Variants in SLC39A13 observed in about 807,000 individuals in gnomAD.
SLC39A13 encodes solute carrier family 39 member 13, also known as zinc transporter ZIP13.
SLC39A13 carries 18 observed loss-of-function variants against 38.7 expected under a neutral mutation model. That is an observed-to-expected ratio of 0.47 (90% confidence interval 0.32 to 0.69). SLC39A13 has a LOEUF of 0.69. SLC39A13 is among the 30% of genes least tolerant of loss of function. The pLI is 0.03. For missense variants in SLC39A13, 395 were observed against 490.7 expected, an observed-to-expected ratio of 0.80 and a Z score of 1.84; for synonymous variants, 212 against 219.1, an observed-to-expected ratio of 0.97 and a Z score of 0.29.
At position 47,415,142 on chromosome 11, in the gene SLC39A13, G is replaced by T; in HGVS notation, c.1023G>T (p.Leu341Phe). 1.9e-6 allele frequency: 3 copies of T among 1,612,120 alleles called. No individual in the cohort carries two copies. The South Asian group carries it at 3.3e-5, about 18-fold the overall frequency. Residue 341 changes from leucine to phenylalanine, a missense_variant, in exon 9 of 10, where the codon TTG becomes TTT. Leu to Phe is a conservative substitution (Grantham distance 22). Transcript: ENST00000362021. The part of the protein sequence containing the change: ...IALVNVLPDL[L>F]EEEDPWRSLQ... ...TGGTGAACGTGCTCCCTGACCTCTTGGAAGAAGAGGACCCGTGGTGAGTGA... is the reference window on the plus strand; with the variant it reads ...TGGTGAACGTGCTCCCTGACCTCTTTGAAGAAGAGGACCCGTGGTGAGTGA...
chr11:47,410,406 C>A lies in SLC39A13; in HGVS notation c.301+11C>A. 6.2e-7 allele frequency: 1 copy of A among 1,613,720 alleles called. No homozygotes were observed. The highest frequency in any genetic ancestry group is 8.5e-7 in the Non-Finnish European group (1 of 1,179,972). ...TGCTGCGCTCAGAAGGTAGGTGACT[C>A]TCCGGTGGCGCCCAGGGCTGGCCAG... On this transcript the variant is annotated intron_variant, in intron 2 of 9. Coordinates refer to ENST00000362021, the MANE Select transcript of SLC39A13 (RefSeq NM_001128225.3).
In SLC39A13 at chr11:47,409,435, G is replaced by A. The variant is rs201929429; in HGVS notation, c.-8-652G>A. 5.3e-5 allele frequency among the ~76,000 whole-genome samples: 8 copies of A among 152,350 alleles called. 1 individual carries two copies. Among genetic ancestry groups the A allele is most frequent in the Admixed American group, 4.6e-4 (7 of 15,302 alleles). ...CAGATGAGGGCACTGAGGCTCAGAG[G>A]GGGGGCTTCAGAGATTTGCCCAGAG... On this transcript the variant is annotated intron_variant, in intron 1 of 9. Coordinates refer to ENST00000362021, the MANE Select transcript of SLC39A13 (RefSeq NM_001128225.3).
At chr11:47,414,701 T>G (rs1025477244) in intron 7 of SLC39A13, 76 bp from the exon 8 acceptor site, 9 of 1,588,910 alleles carry the variant, frequency 5.7e-6, no homozygotes, top group African/African-American at 1.3e-5. Flanking sequence ...GGGGGCTCAG[T>G]GTGTATATCG....
At position 47,415,459 on chromosome 11, in the gene SLC39A13, T is replaced by A; in HGVS notation, c.*96T>A. The A allele has an allele frequency of 7.1e-7, 1 of 1,412,858 alleles. No individual in the cohort carries two copies. Among genetic ancestry groups the A allele is most frequent in the Non-Finnish European group, 9.9e-7 (1 of 1,006,990 alleles). 87.5% of individuals were successfully genotyped at this position (1,412,858 alleles called of 1,614,324 possible). On this transcript the variant is annotated 3_prime_UTR_variant, in exon 10 of 10. Transcript: ENST00000362021. ...GTGAGAGGCAGAGAGGGCGAGTGGC[T>A]GCGAGAGAGAATGAGCCTCCCGCCA...
intron 4 of SLC39A13, among the ~76,000 whole-genome samples, chr11:47,413,003 A>G (rs1308413944): frequency 1.3e-5 from 2 of 148,378 alleles, no homozygotes; most frequent in Admixed American, 6.8e-5. Context: ...TTCTTGATCC[A>G]CCCACCTCAG....
chr11:47,409,909 G>T (rs934711455), intron 1 of SLC39A13, 178 bp from the exon 2 acceptor site: 2 of 671,432 alleles, frequency 3.0e-6, no homozygotes, highest in Non-Finnish European at 5.1e-6. Context: ...GGAGTAGGGT[G>T]TGGAGACACA....
chr11:47,412,556 C>G, intron 4 of SLC39A13, 89 bp downstream of exon 4: 3 of 1,599,348 alleles, frequency 1.9e-6, no homozygotes, highest in Middle Eastern at 3.3e-4. Context: ...GAGTTGAGCC[C>G]TGAAAAGAGG....
intron 6 of SLC39A13, chr11:47,413,979 T>TCTGGCCC: frequency 1.4e-6 from 1 of 691,174 alleles, no homozygotes; most frequent in Non-Finnish European, 2.6e-6. Flanking sequence ...GCCTCTGGCC[T>TCTGGCCC]CTGGCCCAGA....
In SLC39A13 at chr11:47,410,402, G is replaced by C. The variant is rs547400862; in HGVS notation, c.301+7G>C. On this transcript the variant is annotated splice_region_variant and intron_variant, in intron 2 of 9. Coordinates refer to ENST00000362021, the MANE Select transcript of SLC39A13 (RefSeq NM_001128225.3). ...ACCATGCTGCGCTCAGAAGGTAGGT[G>C]ACTCTCCGGTGGCGCCCAGGGCTGG... is the stretch of plus-strand genomic sequence containing the variant. 9 of 1,613,816 alleles carry C rather than the reference G, an allele frequency of 5.6e-6. No individual in the cohort carries two copies. In the East Asian group the frequency reaches 2.0e-4, roughly 36 times the overall value.
rs748005564 is a variant in SLC39A13, at chr11:47,410,130, G to A, written c.36G>A (p.Ala12=). 3.3e-5 allele frequency: 53 copies of A among 1,613,054 alleles called. No individual in the cohort carries two copies. The highest frequency in any genetic ancestry group is 3.9e-5 in the Non-Finnish European group (46 of 1,179,998). ...PGCPCPGCGM[A]GPRLLFLTAL... ...GTCCCTGCCCTGGCTGTGGCATGGC[G>A]GGCCCAAGGCTCCTCTTCCTCACTG... is the stretch of plus-strand genomic sequence containing the variant. Residue 12 remains alanine (A), a synonymous_variant, in exon 2 of 10, where the codon GCG becomes GCA. Coordinates refer to ENST00000362021, the MANE Select transcript of SLC39A13 (RefSeq NM_001128225.3).
intron 2 of SLC39A13, 38 bp from the exon 3 acceptor site, chr11:47,411,888 G>T: frequency 6.3e-7 from 1 of 1,589,112 alleles, no homozygotes. Context: ...AGGAGCTCCA[G>T]CCAGTCAGCC....
At chr11:47,409,459 A>ACAAAT (rs2095985922) in intron 1 of SLC39A13, 1 of 153,518 alleles carries the variant, frequency 6.5e-6, no homozygotes, top group East Asian at 1.9e-4. Flanking sequence ...ATTTGCCCAG[A>ACAAAT]GTTAGACAGC....
At chr11:47,409,988 T>C in intron 1 of SLC39A13, 99 bp from the exon 2 acceptor site, 1 of 1,438,146 alleles carries the variant, frequency 7.0e-7, no homozygotes, top group Non-Finnish European at 9.6e-7. Context: ...GGAGGGTGGA[T>C]GCCAGGGTCC....
Position 47,415,354 on chromosome 11 carries a change from C to T in SLC39A13, c.1107C>T (p.Phe369=), listed in dbSNP as rs770114362. The change falls in exon 10 of 10, where the codon TTC becomes TTT. Residue 369 remains phenylalanine, a synonymous_variant. Transcript: ENST00000362021. ...GIVVMVLFSL[F]VD Reference sequence around the variant, plus strand: ...TGGTAATGGTGCTGTTCTCGCTCTTCGTGGATTAACTTTCCCTGATGCCGA... The same window carrying T: ...TGGTAATGGTGCTGTTCTCGCTCTTTGTGGATTAACTTTCCCTGATGCCGA... The T allele has an allele frequency of 8.7e-6, 14 of 1,614,060 alleles. No homozygotes were observed. The highest frequency in any genetic ancestry group is 1.7e-5 in the Admixed American group (1 of 60,022).
At position 47,412,023 on chromosome 11, in the gene SLC39A13, G is replaced by A. The variant is rs539165797; in HGVS notation, c.399G>A (p.Thr133=). The A allele has an allele frequency of 3.5e-5, 57 of 1,611,472 alleles. No individual in the cohort carries two copies. Among genetic ancestry groups the A allele is most frequent in the Admixed American group, 6.7e-5 (4 of 59,698 alleles). ...TGCTGCCCGAAGCCTGGGCCTACAC[G>A]TGCAGCGCCAGCCCTGGTAAGTGAG... ...LHLLPEAWAY[T]CSASPGGEGQ... The change falls in exon 3 of 10, where the codon ACG becomes ACA. Residue 133 remains threonine (T), a synonymous_variant. Transcript: ENST00000362021.
In SLC39A13 at chr11:47,415,126, T is replaced by C. The variant is rs2096020320; in HGVS notation, c.1007T>C (p.Val336Ala). 5 of 1,612,876 alleles carry C rather than the reference T, an allele frequency of 3.1e-6. No individual in the cohort carries two copies. Among genetic ancestry groups the C allele is most frequent in the Non-Finnish European group, 4.2e-6 (5 of 1,179,518 alleles). The change falls in exon 9 of 10, where the codon GTG becomes GCG. Residue 336 changes from valine (V) to alanine (A), a missense_variant. Val to Ala is a moderately conservative substitution (Grantham distance 64, BLOSUM62 0). Coordinates refer to ENST00000362021, the MANE Select transcript of SLC39A13 (RefSeq NM_001128225.3). ...TTTCTCTACATCGCCTTGGTGAACGTGCTCCCTGACCTCTTGGAAGAAGAG... is the reference window on the plus strand; with the variant it reads ...TTTCTCTACATCGCCTTGGTGAACGCGCTCCCTGACCTCTTGGAAGAAGAG... ...GGFLYIALVN[V>A]LPDLLEEEDP...
At chr11:47,414,370 G>A (rs1323954083) in intron 6 of SLC39A13, 55 bp from the exon 7 acceptor site, 1 of 1,566,854 alleles carries the variant, frequency 6.4e-7, no homozygotes, top group Admixed American at 1.8e-5. Flanking sequence ...GAGTGGGCGA[G>A]TGGGGTGCTC....
At position 47,413,746 on chromosome 11, in the gene SLC39A13, C is replaced by T. The variant is rs536470438; in HGVS notation, c.735+60C>T. The T allele has an allele frequency of 1.1e-4, 176 of 1,563,314 alleles. No individual in the cohort carries two copies. In the East Asian group the frequency reaches 4.1e-3, roughly 36 times the overall value. On this transcript the variant is annotated intron_variant, in intron 6 of 9. Transcript: ENST00000362021. ...TCCAGTGGCAGCCATGTGGATTCCACCTGTGTCTGGAGTCTCTGCTTCTTG... is the reference window on the plus strand; with the variant it reads ...TCCAGTGGCAGCCATGTGGATTCCATCTGTGTCTGGAGTCTCTGCTTCTTG...
Position 47,414,903 on chromosome 11 carries a change from G to A in SLC39A13, c.913G>A (p.Gly305Arg). Residue 305 changes from glycine (G) to arginine (R), a missense_variant, in exon 8 of 10, where the codon GGA becomes AGA. Gly to Arg is a moderately radical substitution (Grantham distance 125). Transcript: ENST00000362021. Reference protein sequence around the residue: ...GFAICTQSPKGVVGCSPAAEE... With the variant: ...GFAICTQSPKRVVGCSPAAEE... ...CGCCATCTGTACCCAGTCCCCCAAGGGAGTAGGTACGGGCGTGGCGGGTGG... is the reference window on the plus strand; with the variant it reads ...CGCCATCTGTACCCAGTCCCCCAAGAGAGTAGGTACGGGCGTGGCGGGTGG... The A allele has an allele frequency of 6.2e-7, 1 of 1,612,468 alleles. No individual in the cohort carries two copies. The highest frequency in any genetic ancestry group is 8.5e-7 in the Non-Finnish European group (1 of 1,179,714).
Sources: gnomAD v4.1 joint callset for allele counts (sites outside exome capture counted in the v4.1 genomes callset) on GRCh38, gnomAD v4.1.1 for gene constraint, MANE v1.5 for transcripts, NCBI Gene and HGNC (gene_info 2026-07-23, HGNC 2026-07-21) for gene names.